The following HTT variants were observed in gnomAD, a reference collection of about 807,000 sequenced individuals.
The protein encoded by HTT is huntingtin.
HTT carries 104 observed loss-of-function variants against 362.3 expected under a neutral mutation model. The ratio of observed to expected loss-of-function variants is 0.29; its 90% CI spans 0.24 to 0.34. The LOEUF is 0.34. HTT is among the 10% of genes least tolerant of loss of function. The pLI is 1.00. For missense variants in HTT, 3,301 were observed against 3,928.6 expected (o/e 0.84, Z 4.27); for synonymous variants, 1,577 against 1,548.7 (o/e 1.02, Z -0.43).
chr4:3,131,864 T>A, intron 16 of HTT, 89 bp downstream of exon 16: 1 of 1,309,572 alleles, frequency 7.6e-7, no homozygotes, highest in Non-Finnish European at 1.1e-6. Context: ...TTTAGAGCAG[T>A]AAGTGTTTTG....
chr4:3,215,060 A>T, intron 50 of HTT, 50 bp from the exon 51 acceptor site: 15 of 1,403,868 alleles, frequency 1.1e-5, no homozygotes, highest in Non-Finnish European at 1.5e-5. Flanking sequence ...AATAAAAAGC[A>T]CTGATGGAAG....
At chr4:3,216,165 C>T (rs2110280580) in intron 51 of HTT, among the ~76,000 whole-genome samples, 1 of 152,332 alleles carries the variant, frequency 6.6e-6, no homozygotes, top group African/African-American at 2.4e-5. Flanking sequence ...TAGTCTTCTG[C>T]ATAGTACTTT....
intron 12 of HTT, among the ~76,000 whole-genome samples, chr4:3,127,999 C>G (rs1715604708): frequency 6.6e-6 from 1 of 152,032 alleles, no homozygotes; most frequent in African/African-American, 2.4e-5. Context: ...GTGGCTCGTT[C>G]TCAGCCCACT....
chr4:3,199,937 G>A lies in HTT; in HGVS notation c.5574G>A (p.Pro1858=), dbSNP rs1335882904. Residue 1858 remains proline, a splice_region_variant and synonymous_variant, in exon 41 of 67, where the codon CCG becomes CCA. Coordinates refer to ENST00000355072, the MANE Select transcript of HTT (RefSeq NM_001388492.1). ...GGTGGGCAGAAGTGCAGCAGACCCC[G>A]AAGTAGGTTCATAATGCCCCACAGC... ...YRWWAEVQQT[P]KRHSLSSTKL... 4 of 1,611,928 alleles carry A rather than the reference G, an allele frequency of 2.5e-6. No homozygotes were observed. Among genetic ancestry groups the A allele is most frequent in the Middle Eastern group, 1.7e-4 (1 of 5,920 alleles).
chr4:3,217,709 C>T (rs1278529467), intron 51 of HTT, 56 bp from the exon 52 acceptor site: 3 of 1,437,848 alleles, frequency 2.1e-6, no homozygotes, highest in Non-Finnish European at 2.9e-6. Flanking sequence ...GCTTTCTACA[C>T]TGGGCATATA....
intron 1 of HTT, among the ~76,000 whole-genome samples, chr4:3,081,557 T>C (rs1712903049): frequency 7.8e-6 from 1 of 128,302 alleles, no homozygotes; most frequent in South Asian, 2.4e-4. Flanking sequence ...TTTCTTTTTT[T>C]TTTTTTTTTT....
In HTT at chr4:3,234,893, G is replaced by A. The variant is rs577397434; in HGVS notation, c.8457-391G>A. ...GTCGGGGGATCACAGAAGGCAGCAC[G>A]TCATGATGGCATGTGCCATGAAGGA... On this transcript the variant is annotated intron_variant, in intron 61 of 66. Coordinates refer to ENST00000355072, the MANE Select transcript of HTT (RefSeq NM_001388492.1). Among the ~76,000 whole-genome samples, 447 of 152,292 alleles carry A rather than the reference G, an allele frequency of 2.9e-3. 5 individuals carry two copies. Among genetic ancestry groups the A allele is most frequent in the African/African-American group, 0.01 (426 of 41,550 alleles).
intron 26 of HTT, among the ~76,000 whole-genome samples, chr4:3,150,342 GT>G (rs1716813243): frequency 6.6e-6 from 1 of 152,262 alleles, no homozygotes; most frequent in East Asian, 1.9e-4. Context: ...CCTTATGTGG[GT>G]AGTGGCTCCA....
chr4:3,190,984 C>T (rs1179676353), intron 40 of HTT, among the ~76,000 whole-genome samples: 2 of 152,150 alleles, frequency 1.3e-5, no homozygotes, highest in Non-Finnish European at 2.9e-5. Flanking sequence ...CAAAATGTGG[C>T]TTGATTGTTC....
intron 31 of HTT, 132 bp downstream of exon 31, chr4:3,173,263 A>G (rs1347639375): frequency 3.1e-5 from 22 of 705,466 alleles, no homozygotes; most frequent in Non-Finnish European, 5.1e-5. Context: ...AGAGAACTCT[A>G]GGAGATATAT....
chr4:3,127,074 G>T (rs1251316383), intron 11 of HTT, among the ~76,000 whole-genome samples, 190 bp from the exon 12 acceptor site: 1 of 152,226 alleles, frequency 6.6e-6, no homozygotes, highest in East Asian at 1.9e-4. Context: ...TATAAGGTGG[G>T]TACTGTAGTG....
chr4:3,182,356 G>A lies in HTT; in HGVS notation c.4752G>A (p.Val1584=), dbSNP rs764325457. The A allele has an allele frequency of 6.2e-7, 1 of 1,607,460 alleles. No homozygotes were observed. Among genetic ancestry groups the A allele is most frequent in the Non-Finnish European group, 8.5e-7 (1 of 1,173,902 alleles). Residue 1584 remains valine (V), a splice_region_variant and synonymous_variant, in exon 37 of 67, where the codon GTG becomes GTA. Transcript: ENST00000355072. Reference sequence around the variant, plus strand: ...TCTAATTGTGCACGCTCTTATAGGTGTTGGAGATGTTCATTCTTGTCCTGC... The same window carrying A: ...TCTAATTGTGCACGCTCTTATAGGTATTGGAGATGTTCATTCTTGTCCTGC... ...MLLRLIQYHQ[V]LEMFILVLQQ...
At chr4:3,078,028 A>C (rs1712656712) in intron 1 of HTT, among the ~76,000 whole-genome samples, 2 of 152,218 alleles carry the variant, frequency 1.3e-5, no homozygotes, top group Admixed American at 1.3e-4. Context: ...GTGTCACGCC[A>C]TGCATGGGCC....
chr4:3,177,845 A>G (rs1193864408), intron 34 of HTT, among the ~76,000 whole-genome samples: 1 of 152,256 alleles, frequency 6.6e-6, no homozygotes, highest in Non-Finnish European at 1.5e-5. Flanking sequence ...AAATTCTTTT[A>G]GTACCTAAAA....
chr4:3,180,916 G>A (rs796158569), intron 36 of HTT: 36 of 282,016 alleles, frequency 1.3e-4, no homozygotes, highest in African/African-American at 3.7e-4. Flanking sequence ...TCTCTCCGTC[G>A]CCCAGGCTGG....
Position 3,206,630 on chromosome 4 carries a change from C to G in HTT, c.5853C>G (p.Gly1951=). 2 of 1,614,206 alleles carry G rather than the reference C, an allele frequency of 1.2e-6. No individual in the cohort carries two copies. Among genetic ancestry groups the G allele is most frequent in the Non-Finnish European group, 1.7e-6 (2 of 1,180,054 alleles). The change falls in exon 43 of 67, where the codon GGC becomes GGG. Residue 1951 remains glycine, a synonymous_variant. Coordinates refer to ENST00000355072, the MANE Select transcript of HTT (RefSeq NM_001388492.1). The surrounding 1 kb of genome is among the most constrained non-coding windows in gnomAD (Gnocchi z 4.6). ...TTCATCGGAACTCTGCTGCCAGCGG[C>G]CTGTTCATCCAGGCAATTCAGTCTC... ...SAVHRNSAAS[G]LFIQAIQSRC...
intron 21 of HTT, among the ~76,000 whole-genome samples, chr4:3,139,669 A>G (rs190398270): frequency 3.5e-4 from 53 of 152,316 alleles, no homozygotes; most frequent in African/African-American, 1.2e-3. Context: ...TTGTTTTTGT[A>G]GGAAAATGTT....
At chr4:3,229,739 C>A in intron 59 of HTT, 148 bp from the exon 60 acceptor site, 1 of 845,464 alleles carries the variant, frequency 1.2e-6, no homozygotes, top group Non-Finnish European at 1.9e-6. Flanking sequence ...CACACGCATA[C>A]ACCACACACA....
chr4:3,141,596 T>C (rs910704769), intron 22 of HTT, among the ~76,000 whole-genome samples: 2 of 152,158 alleles, frequency 1.3e-5, no homozygotes, highest in African/African-American at 4.8e-5. Flanking sequence ...AACCCACCTC[T>C]ACTCAAATAC....
Sources: gnomAD v4.1 joint callset for allele counts (sites outside exome capture counted in the v4.1 genomes callset) on GRCh38, gnomAD v4.1.1 for gene constraint, Gnocchi (gnomAD v3.1) non-coding constraint, MANE v1.5 for transcripts, NCBI Gene and HGNC (gene_info 2026-07-23, HGNC 2026-07-21) for gene names.